Variants in MYO16 observed in about 807,000 individuals in gnomAD.
The protein encoded by MYO16 is unconventional myosin-XVI.
Under a neutral mutation model 205.3 loss-of-function variants are expected in MYO16, and 94 were observed. That is an observed-to-expected ratio of 0.46 (90% CI 0.39 to 0.54). The LOEUF is 0.54. MYO16 is among the 20% of genes least tolerant of loss of function. The pLI, the probability that MYO16 is intolerant of heterozygous loss-of-function variation, is 0.00. For synonymous variants in MYO16, 988 were observed against 954.0 expected, an observed-to-expected ratio of 1.04 and a Z score of -0.66; for missense variants, 2,315 against 2,387.5, an observed-to-expected ratio of 0.97 and a Z score of 0.63.
At chr13:109,120,819 G>A (rs1179267747) in intron 29 of MYO16, among the ~76,000 whole-genome samples, 2 of 152,138 alleles carry the variant, frequency 1.3e-5, no homozygotes, top group Admixed American at 1.3e-4. Context: ...GGAGGCTGAG[G>A]CAGGAGGATC....
At chr13:109,201,751 C>T (rs762027359) in intron 34 of MYO16, among the ~76,000 whole-genome samples, 30 of 152,032 alleles carry the variant, frequency 2.0e-4, no homozygotes, top group Non-Finnish European at 3.1e-4. Flanking sequence ...CCATCATGCC[C>T]TCCCACCCTT....
chr13:108,966,238 C>CTA (rs928813331), intron 20 of MYO16, among the ~76,000 whole-genome samples: 22 of 152,044 alleles, frequency 1.4e-4, no homozygotes, highest in Non-Finnish European at 2.8e-4. Context: ...TGTTAATTTC[C>CTA]TATAAGTATA....
At chr13:108,760,979 T>G (rs1466620714) in intron 4 of MYO16, among the ~76,000 whole-genome samples, 1 of 152,234 alleles carries the variant, frequency 6.6e-6, no homozygotes. Flanking sequence ...TGTATTTCCA[T>G]CCATGTTACT....
At chr13:108,639,965 G>C (rs976420225) in intron 1 of MYO16, among the ~76,000 whole-genome samples, 1 of 152,234 alleles carries the variant, frequency 6.6e-6, no homozygotes, top group Admixed American at 6.5e-5. Flanking sequence ...CAGATGGGAA[G>C]AGCAGGCTTG....
intron 2 of MYO16, among the ~76,000 whole-genome samples, chr13:108,687,466 C>G (rs1252945002): frequency 6.6e-6 from 1 of 152,172 alleles, no homozygotes; most frequent in Non-Finnish European, 1.5e-5. Context: ...AAAATCACAG[C>G]CTCTCATAGT....
intron 21 of MYO16, among the ~76,000 whole-genome samples, chr13:109,006,901 G>A (rs961621746): frequency 6.6e-6 from 1 of 152,140 alleles, no homozygotes; most frequent in Non-Finnish European, 1.5e-5. Flanking sequence ...AGCAGGCCAG[G>A]AGTCCACGAA....
the MYO16 span, among the ~76,000 whole-genome samples, chr13:108,522,475 C>T: frequency 2.6e-5 from 4 of 152,092 alleles, no homozygotes; most frequent in Non-Finnish European, 5.9e-5. Flanking sequence ...CTTCCTAGGG[C>T]TAGCATGACA....
chr13:108,761,837 T>C (rs1191542724), intron 4 of MYO16, among the ~76,000 whole-genome samples: 1 of 152,210 alleles, frequency 6.6e-6, no homozygotes, highest in Non-Finnish European at 1.5e-5. Flanking sequence ...TTAACTAGAC[T>C]CTTCTGGTAA....
chr13:108,820,070 AGTTAT>A (rs1875880962), intron 7 of MYO16, among the ~76,000 whole-genome samples: 1 of 152,226 alleles, frequency 6.6e-6, no homozygotes, highest in African/African-American at 2.4e-5. Flanking sequence ...TAAACCTGAA[AGTTAT>A]AAAGTGTCCT....
chr13:108,703,113 A>G lies in MYO16; in HGVS notation c.293-9548A>G, dbSNP rs1015080716. 4.4e-5 allele frequency among the ~76,000 whole-genome samples: 6 copies of G among 137,294 alleles called. No individual in the cohort carries two copies. The East Asian group carries it at 1.4e-3, about 32-fold the overall frequency. 90.1% of individuals were successfully genotyped at this position (137,294 alleles called of 152,430 possible). The stretch of plus-strand genomic sequence containing the variant: ...AATTGCATTAATATAAATGGATTTA[A>G]TACTCAAAAGGCAGAGATTAGCAGA... On this transcript the variant is annotated intron_variant, in intron 2 of 34. Coordinates refer to ENST00000457511, the MANE Select transcript of MYO16 (RefSeq NM_001198950.3).
At position 109,164,918 on chromosome 13, in the gene MYO16, A is replaced by C. The variant is rs747178479; in HGVS notation, c.5182A>C (p.Asn1728His). ...TATTTTAGGTTTTGAAACTAACATGAACATAAGTAGCCGAGATGACCCTAG... is the reference window on the plus strand; with the variant it reads ...TATTTTAGGTTTTGAAACTAACATGCACATAAGTAGCCGAGATGACCCTAG... Reference protein sequence around the residue: ...REAEGFETNMNISSRDDPSTS... With the variant: ...REAEGFETNMHISSRDDPSTS... Residue 1728 changes from asparagine (N) to histidine (H), a missense_variant, in exon 33 of 35, where the codon AAC becomes CAC. By Grantham distance (68) the Asn-to-His change is moderately conservative. Transcript: ENST00000457511. 1 of 1,583,890 alleles carries C rather than the reference A, an allele frequency of 6.3e-7. No homozygotes were observed. Among genetic ancestry groups the C allele is most frequent in the Non-Finnish European group, 8.6e-7 (1 of 1,167,918 alleles).
At chr13:109,144,469 T>C (rs1297105744) in intron 32 of MYO16, among the ~76,000 whole-genome samples, 1 of 152,236 alleles carries the variant, frequency 6.6e-6, no homozygotes, top group Non-Finnish European at 1.5e-5. Flanking sequence ...TGCTCAGCAC[T>C]GGGGCTGGTT....
intron 32 of MYO16, among the ~76,000 whole-genome samples, chr13:109,146,813 G>C (rs1191768145): frequency 1.4e-5 from 2 of 141,896 alleles, no homozygotes; most frequent in Non-Finnish European, 3.1e-5. Flanking sequence ...AGAAAGAAGA[G>C]AGAAAGAAAG....
chr13:108,911,056 C>T (rs565482303), intron 16 of MYO16, among the ~76,000 whole-genome samples: 26 of 133,976 alleles, frequency 1.9e-4, no homozygotes, highest in South Asian at 1.1e-3. Flanking sequence ...CACACACACA[C>T]ACACACACAC....
Position 108,678,375 on chromosome 13 carries a change from G to T in MYO16, c.292+12226G>T, listed in dbSNP as rs181979489. 3.3e-5 allele frequency among the ~76,000 whole-genome samples: 5 copies of T among 152,164 alleles called. No individual in the cohort carries two copies. In the East Asian group the frequency reaches 5.8e-4, roughly 18 times the overall value. The stretch of plus-strand genomic sequence containing the variant: ...GAATCATATTCACAGAAGGGGAAAA[G>T]AATTTTAATGTTTCCCAAAGTAGAA... On this transcript the variant is annotated intron_variant, in intron 2 of 34. Coordinates refer to ENST00000457511, the MANE Select transcript of MYO16 (RefSeq NM_001198950.3).
At chr13:109,155,709 C>A (rs1344310520) in intron 32 of MYO16, among the ~76,000 whole-genome samples, 1 of 152,166 alleles carries the variant, frequency 6.6e-6, no homozygotes, top group African/African-American at 2.4e-5. Flanking sequence ...AAATCTGTTG[C>A]ACGTTTTCAA....
At chr13:108,773,369 A>G (rs1442457078) in intron 4 of MYO16, among the ~76,000 whole-genome samples, 1 of 152,204 alleles carries the variant, frequency 6.6e-6, no homozygotes, top group Non-Finnish European at 1.5e-5. Flanking sequence ...TTATTCTCGT[A>G]TAGTTTTGGA....
intron 3 of MYO16, among the ~76,000 whole-genome samples, chr13:108,717,446 T>A (rs1488050455): frequency 6.6e-6 from 1 of 151,764 alleles, no homozygotes; most frequent in Admixed American, 6.6e-5. Flanking sequence ...CTGGCTAACA[T>A]GACGAAACCC....
chr13:108,893,410 A>G (rs1880261241), intron 14 of MYO16, among the ~76,000 whole-genome samples: 1 of 152,188 alleles, frequency 6.6e-6, no homozygotes, highest in Non-Finnish European at 1.5e-5. Context: ...TCTTGTTTAT[A>G]TTAATTAGTC....
Sources: allele counts gnomAD v4.1 joint callset (sites outside exome capture counted in the v4.1 genomes callset), GRCh38; gene constraint gnomAD v4.1.1; transcripts MANE v1.5; gene names NCBI Gene and HGNC (gene_info 2026-07-23, HGNC 2026-07-21).